Variants in FER observed in about 807,000 individuals in gnomAD.
FER encodes tyrosine-protein kinase Fer.
FER carries 63 observed loss-of-function variants against 111.0 expected under a neutral mutation model. The observed-to-expected ratio is 0.57, with a 90% CI of 0.46 to 0.70. FER has a LOEUF of 0.70. FER is among the 30% of genes least tolerant of loss of function. The probability of loss-of-function intolerance (pLI) is 0.00; values close to 1 mark genes in which losing one functional copy is unlikely to be tolerated. For synonymous variants in FER, 327 were observed against 313.9 expected, an observed-to-expected ratio of 1.04 and a Z score of -0.44; for missense variants, 914 against 954.0, an observed-to-expected ratio of 0.96 and a Z score of 0.55.
At chr5:109,179,959 C>T (rs757330135) in intron 17 of FER, among the ~76,000 whole-genome samples, 6 of 152,016 alleles carry the variant, frequency 3.9e-5, no homozygotes, top group South Asian at 2.1e-4. Context: ...GAAGAGAGAG[C>T]GTTTGGGCTA....
At chr5:108,963,987 A>G (rs1224099772) in intron 13 of FER, among the ~76,000 whole-genome samples, 2 of 152,198 alleles carry the variant, frequency 1.3e-5, no homozygotes, top group Admixed American at 6.5e-5. Context: ...TGTCTTACCA[A>G]TTCATCATTT....
intron 10 of FER, among the ~76,000 whole-genome samples, chr5:108,924,301 A>G (rs145143169): frequency 6.6e-6 from 1 of 150,470 alleles, no homozygotes; most frequent in African/African-American, 2.5e-5. Context: ...CAGAGGTTGC[A>G]GAGAGTCAAG....
Position 109,188,903 on chromosome 5 carries a change from G to A in FER, c.*1328G>A, listed in dbSNP as rs796986824. The A allele has an allele frequency of 1.2e-4, 18 of 150,772 alleles. No homozygotes were observed. The highest frequency in any genetic ancestry group is 1.5e-4 in the African/African-American group (6 of 41,050). The allele number at this position is 150,772 out of a possible 1,614,324, so 9.3% of individuals were successfully genotyped here. Reference sequence around the variant, plus strand: ...GATTCTAGTTCACCAACACATTCACGTGTGTACATGCGCGTGCACACACAC... The same window carrying A: ...GATTCTAGTTCACCAACACATTCACATGTGTACATGCGCGTGCACACACAC... On this transcript the variant is annotated 3_prime_UTR_variant, in exon 20 of 20. Transcript: ENST00000281092.
chr5:108,903,084 CAT>C (rs960056801), intron 10 of FER, among the ~76,000 whole-genome samples: 82 of 152,024 alleles, frequency 5.4e-4, no homozygotes, highest in African/African-American at 2.0e-3. Flanking sequence ...TTGGACCAAA[CAT>C]ATAATAATTT....
chr5:109,150,926 T>C (rs1404423313), intron 17 of FER, among the ~76,000 whole-genome samples: 1 of 152,130 alleles, frequency 6.6e-6, no homozygotes, highest in Non-Finnish European at 1.5e-5. Flanking sequence ...TACTAAATAA[T>C]GTTAAGTTAA....
intron 16 of FER, among the ~76,000 whole-genome samples, chr5:109,094,955 C>T (rs968302144): frequency 1.3e-5 from 2 of 152,160 alleles, no homozygotes; most frequent in African/African-American, 4.8e-5. Flanking sequence ...TGCATCATGT[C>T]TGGCAAGAGT....
chr5:108,861,526 C>T (rs1343419834), intron 5 of FER, among the ~76,000 whole-genome samples: 2 of 151,978 alleles, frequency 1.3e-5, no homozygotes, highest in Non-Finnish European at 2.9e-5. Flanking sequence ...TGTTGATTGA[C>T]ATGTAGAACA....
intron 10 of FER, among the ~76,000 whole-genome samples, chr5:108,927,945 C>T (rs1754014224): frequency 1.3e-5 from 2 of 152,230 alleles, no homozygotes; most frequent in African/African-American, 4.8e-5. Flanking sequence ...GCACCAACTC[C>T]GGACTGCTTA....
intron 2 of FER, among the ~76,000 whole-genome samples, chr5:108,776,739 T>A (rs1366656082): frequency 6.6e-6 from 1 of 152,242 alleles, no homozygotes; most frequent in Non-Finnish European, 1.5e-5. Flanking sequence ...AAAAAAGTTT[T>A]AAATCAGTAT....
intron 16 of FER, among the ~76,000 whole-genome samples, chr5:109,083,668 A>G (rs1475673579): frequency 3.3e-5 from 5 of 152,050 alleles, no homozygotes; most frequent in African/African-American, 9.7e-5. Flanking sequence ...GGGTATATTA[A>G]GAATGCAAGA....
chr5:108,802,550 T>C (rs995925125), intron 3 of FER, among the ~76,000 whole-genome samples: 5 of 151,918 alleles, frequency 3.3e-5, no homozygotes, highest in Non-Finnish European at 7.4e-5. Context: ...ATTGTTTCCA[T>C]CTTTATATCC....
At chr5:108,884,511 G>GTTT (rs1214108749) in intron 9 of FER, among the ~76,000 whole-genome samples, 2 of 125,132 alleles carry the variant, frequency 1.6e-5, no homozygotes, top group African/African-American at 6.7e-5. Context: ...TCTTATGCCT[G>GTTT]GTTTTTTTTT....
At position 108,931,556 on chromosome 5, in the gene FER, A is replaced by T. The variant is rs779585278; in HGVS notation, c.1237-14574A>T. On this transcript the variant is annotated intron_variant, in intron 10 of 19. Transcript: ENST00000281092. ...TCATTCATGTCTAAATTCTCTTATCATTCCAGGCCAAAAATGGCTCTTTTC... is the reference window on the plus strand; with the variant it reads ...TCATTCATGTCTAAATTCTCTTATCTTTCCAGGCCAAAAATGGCTCTTTTC... Among the ~76,000 whole-genome samples, 77 of 152,270 alleles carry T rather than the reference A, an allele frequency of 5.1e-4. 1 individual carries two copies. Among genetic ancestry groups the T allele is most frequent in the Non-Finnish European group, 2.6e-4 (18 of 68,012 alleles).
At chr5:109,136,997 A>G (rs1582200310) in intron 17 of FER, among the ~76,000 whole-genome samples, 2 of 152,334 alleles carry the variant, frequency 1.3e-5, no homozygotes, top group South Asian at 4.1e-4. Flanking sequence ...CAGATAATAC[A>G]GGCTATACAA....
At chr5:109,105,277 TG>T (rs1357307066) in intron 17 of FER, among the ~76,000 whole-genome samples, 2 of 140,716 alleles carry the variant, frequency 1.4e-5, no homozygotes, top group African/African-American at 2.7e-5. Flanking sequence ...TGTGTGTGTG[TG>T]TTTTGAGACT....
chr5:109,138,323 TA>T (rs1753136870), intron 17 of FER, among the ~76,000 whole-genome samples: 1 of 152,044 alleles, frequency 6.6e-6, no homozygotes, highest in Non-Finnish European at 1.5e-5. Context: ...AATTCAGGGG[TA>T]GGGGAAATGG....
intron 17 of FER, among the ~76,000 whole-genome samples, chr5:109,146,245 A>C: frequency 2.5e-5 from 1 of 40,266 alleles, no homozygotes; most frequent in Non-Finnish European, 5.5e-5. Flanking sequence ...TATATATATA[A>C]TCTATCTAAT....
At position 109,037,483 on chromosome 5, in the gene FER, G is replaced by A; in HGVS notation, c.1713+5G>A. 3 of 1,609,838 alleles carry A rather than the reference G, an allele frequency of 1.9e-6. No individual in the cohort carries two copies. Among genetic ancestry groups the A allele is most frequent in the Non-Finnish European group, 2.5e-6 (3 of 1,176,748 alleles). On this transcript the variant is annotated splice_donor_5th_base_variant and intron_variant, in intron 14 of 19. Transcript: ENST00000281092. ...TTGGGAGAATTACTGGGCAAGGTAT[G>A]TAATCAACTGAGCTAAATAACCAGA...
intron 10 of FER, among the ~76,000 whole-genome samples, chr5:108,944,889 A>G (rs1340860165): frequency 7.2e-6 from 1 of 138,914 alleles, no homozygotes; most frequent in African/African-American, 2.7e-5. Flanking sequence ...CTAACACACA[A>G]TATGTTATGC....
Sources: allele counts gnomAD v4.1 joint callset (sites outside exome capture counted in the v4.1 genomes callset), GRCh38; gene constraint gnomAD v4.1.1; transcripts MANE v1.5; gene names NCBI Gene and HGNC (gene_info 2026-07-23, HGNC 2026-07-21).